The following ABHD17B variants were observed in gnomAD, a reference collection of about 807,000 sequenced individuals.
The protein encoded by ABHD17B is alpha/beta hydrolase domain-containing protein 17B.
In ABHD17B, 9 loss-of-function variants were observed where a neutral mutation model predicts 26.2. The observed-to-expected ratio is 0.34, with a 90% CI of 0.21 to 0.60. The LOEUF is 0.60. Ranked by LOEUF, ABHD17B falls within the 20% of genes least tolerant of loss-of-function variation. ABHD17B has a pLI of 0.80. For missense variants in ABHD17B, 224 were observed against 352.1 expected, an observed-to-expected ratio of 0.64 and a Z score of 2.91; for synonymous variants, 127 against 122.3, an observed-to-expected ratio of 1.04 and a Z score of -0.25.
intron 1 of ABHD17B, among the ~76,000 whole-genome samples, chr9:71,894,628 G>A (rs898407022): frequency 6.6e-6 from 1 of 152,040 alleles, no homozygotes; most frequent in African/African-American, 2.4e-5. Context: ...GTATACAAAG[G>A]GCCCAGAAAG....
downstream of ABHD17B, among the ~76,000 whole-genome samples, chr9:71,864,530 T>C (rs1395696899): frequency 6.6e-6 from 1 of 152,090 alleles, no homozygotes; most frequent in Non-Finnish European, 1.5e-5. Flanking sequence ...AGTCTTCATA[T>C]TTAACTGCAC....
chr9:71,876,057 T>C (rs1184646042), intron 1 of ABHD17B, among the ~76,000 whole-genome samples: 2 of 152,160 alleles, frequency 1.3e-5, no homozygotes, highest in Non-Finnish European at 2.9e-5. Context: ...AAATAACCTA[T>C]AGAACATTAA....
chr9:71,870,467 C>A (rs1307160830), intron 2 of ABHD17B, among the ~76,000 whole-genome samples: 1 of 152,112 alleles, frequency 6.6e-6, no homozygotes, highest in Non-Finnish European at 1.5e-5. Context: ...TCTACTTCAT[C>A]TTTTGGAAGA....
chr9:71,865,239 A>T lies in ABHD17B; in HGVS notation c.*1548T>A, dbSNP rs1263989135. On this transcript the variant is annotated 3_prime_UTR_variant, in exon 4 of 4. Coordinates refer to ENST00000333421, the MANE Select transcript of ABHD17B (RefSeq NM_001025780.3). ...CTTGATATACTTTGAAGAGAGTCAT[A>T]TACTATAGTCTTAAACATAACCACG... 1.3e-5 allele frequency: 13 copies of T among 985,582 alleles called. No homozygotes were observed. The highest frequency in any genetic ancestry group is 1.6e-5 in the Non-Finnish European group (13 of 829,862). The allele number at this position is 985,582 out of a possible 1,614,324, so 61.1% of individuals were successfully genotyped here. A position where few individuals can be genotyped will look rare whatever the true frequency, so the allele number is the denominator to read the frequency against.
intron 1 of ABHD17B, among the ~76,000 whole-genome samples, chr9:71,897,606 C>T (rs537413000): frequency 3.9e-4 from 59 of 152,270 alleles, no homozygotes; most frequent in African/African-American, 1.4e-3. Flanking sequence ...ACTATCAATC[C>T]CTTTTCCATA....
rs143847483 is a variant in ABHD17B at position 71,904,488 on chromosome 9, C to A, written c.-4+6146G>T. On this transcript the variant is annotated intron_variant, in intron 1 of 3. Coordinates refer to ENST00000333421, the MANE Select transcript of ABHD17B (RefSeq NM_001025780.3). ...TTTAAATTTAGCCTGAAATTCTATTCTGTTAAAAAAAAATTAGGGTCATCA... is the reference window on the plus strand; with the variant it reads ...TTTAAATTTAGCCTGAAATTCTATTATGTTAAAAAAAAATTAGGGTCATCA... 8.3e-3 allele frequency among the ~76,000 whole-genome samples: 1,263 copies of A among 151,978 alleles called. 18 individuals are homozygous for A. The highest frequency in any genetic ancestry group is 0.028 in the African/African-American group (1,173 of 41,406).
downstream of ABHD17B, chr9:71,862,683 T>C (rs1825858625): frequency 1.5e-6 from 1 of 655,428 alleles, no homozygotes; most frequent in Non-Finnish European, 2.6e-6. Flanking sequence ...TCCATAACTG[T>C]TTATGAAAAA....
intron 1 of ABHD17B, among the ~76,000 whole-genome samples, chr9:71,882,747 A>G (rs923138192): frequency 4.6e-5 from 7 of 152,058 alleles, no homozygotes; most frequent in Non-Finnish European, 8.8e-5. Flanking sequence ...AGGGATGGAG[A>G]ATAATAACTA....
intron 2 of ABHD17B, among the ~76,000 whole-genome samples, chr9:71,873,023 TTAAC>T (rs1826157911): frequency 6.6e-6 from 1 of 151,956 alleles, no homozygotes; most frequent in Non-Finnish European, 1.5e-5. Flanking sequence ...TTTAATAATA[TTAAC>T]TACTTTATTA....
At chr9:71,903,610 T>C (rs998704973) in intron 1 of ABHD17B, among the ~76,000 whole-genome samples, 3 of 152,222 alleles carry the variant, frequency 2.0e-5, no homozygotes, top group Admixed American at 6.5e-5. Flanking sequence ...ATAAAGACAT[T>C]CTATAAGTAC....
chr9:71,910,231 A>G (rs544637720), intron 1 of ABHD17B, among the ~76,000 whole-genome samples: 172 of 152,284 alleles, frequency 1.1e-3, no homozygotes, highest in African/African-American at 3.9e-3. Context: ...AGTGAGGGGA[A>G]TGGGAACCTG....
chr9:71,865,849 A>C lies in ABHD17B; in HGVS notation c.*938T>G, dbSNP rs1825943458. The C allele has an allele frequency of 1.0e-6, 1 of 974,824 alleles. No individual in the cohort carries two copies. Among genetic ancestry groups the C allele is most frequent in the African/African-American group, 1.8e-5 (1 of 56,978 alleles). The allele number at this position is 974,824 out of a possible 1,614,324, so 60.4% of individuals were successfully genotyped here. The stretch of plus-strand genomic sequence containing the variant: ...GCACTCCAGCCTCAGTGACACAGCA[A>C]GACTCCATCTCAAAAAATGAAAAAA... On this transcript the variant is annotated 3_prime_UTR_variant, in exon 4 of 4. Coordinates refer to ENST00000333421, the MANE Select transcript of ABHD17B (RefSeq NM_001025780.3).
At chr9:71,878,224 G>C (rs995928391) in intron 1 of ABHD17B, among the ~76,000 whole-genome samples, 2 of 152,026 alleles carry the variant, frequency 1.3e-5, no homozygotes, top group African/African-American at 4.8e-5. Flanking sequence ...GCCAGACGCA[G>C]TGGATTGCTT....
In ABHD17B at chr9:71,866,867, C is replaced by G; in HGVS notation, c.787G>C (p.Gly263Arg). ...PVEPLWVEGA[G>R]HNDVELYGQY... ...CCATAAAGTTCCACATCATTGTGAC[C>G]TGCTCCTTCAACCCAGAGAGGCTCC... The change falls in exon 4 of 4, where the codon GGT (glycine) becomes CGT (arginine). Residue 263 changes from glycine to arginine, a missense_variant. Coordinates refer to ENST00000333421, the MANE Select transcript of ABHD17B (RefSeq NM_001025780.3). 1.2e-6 allele frequency: 2 copies of G among 1,614,152 alleles called. No individual in the cohort carries two copies. Among genetic ancestry groups the G allele is most frequent in the Non-Finnish European group, 8.5e-7 (1 of 1,180,028 alleles).
At chr9:71,862,976 A>T (rs942905831), downstream of ABHD17B, among the ~76,000 whole-genome samples, 3 of 152,094 alleles carry the variant, frequency 2.0e-5, no homozygotes, top group African/African-American at 7.2e-5. Context: ...TCTTAAAGTG[A>T]ACACTACCTA....
In ABHD17B at chr9:71,887,763, T is replaced by C. The variant is rs935920730; in HGVS notation, c.-3-12680A>G. Among the ~76,000 whole-genome samples, 5 of 152,338 alleles carry C rather than the reference T, an allele frequency of 3.3e-5. No individual in the cohort carries two copies. The East Asian group carries it at 9.6e-4, about 29-fold the overall frequency. On this transcript the variant is annotated intron_variant, in intron 1 of 3. Transcript: ENST00000333421. ...TTCCTGGCTTTTCCATCAAAGTACA[T>C]ATACGTAAATCTCATAGATCTTTCT...
intron 1 of ABHD17B, among the ~76,000 whole-genome samples, chr9:71,900,182 CTA>C (rs1165223228): frequency 3.3e-5 from 5 of 152,138 alleles, no homozygotes; most frequent in Admixed American, 2.0e-4. Flanking sequence ...AAAGGACTAA[CTA>C]GGGTTATATA....
chr9:71,881,219 G>C (rs1301356709), intron 1 of ABHD17B, among the ~76,000 whole-genome samples: 2 of 152,194 alleles, frequency 1.3e-5, no homozygotes, highest in African/African-American at 4.8e-5. Flanking sequence ...TTTGACAAGA[G>C]TGCCAAAACA....
At chr9:71,898,994 C>T (rs1313413757) in intron 1 of ABHD17B, among the ~76,000 whole-genome samples, 2 of 151,946 alleles carry the variant, frequency 1.3e-5, no homozygotes, top group Non-Finnish European at 2.9e-5. Flanking sequence ...TGTGGTGGTG[C>T]ATGCCTGTAA....
Sources: gnomAD v4.1 joint callset for allele counts (sites outside exome capture counted in the v4.1 genomes callset) on GRCh38, gnomAD v4.1.1 for gene constraint, MANE v1.5 for transcripts, NCBI Gene and HGNC (gene_info 2026-07-23, HGNC 2026-07-21) for gene names.